The following DACH1 variants were observed in gnomAD, a reference collection of about 807,000 sequenced individuals.
The protein encoded by DACH1 is dachshund family transcription factor 1.
DACH1 carries 12 observed loss-of-function variants against 54.2 expected under a neutral mutation model. That is an observed-to-expected ratio of 0.22 (90% CI 0.14 to 0.36). The LOEUF (loss-of-function observed/expected upper bound fraction) is 0.36. Ranked by LOEUF, DACH1 falls within the 10% of genes least tolerant of loss-of-function variation. The pLI is 1.00. For synonymous variants in DACH1, 386 were observed against 366.2 expected (o/e 1.05, Z -0.62); for missense variants, 805 against 929.8 (o/e 0.87, Z 1.75).
chr13:71,534,992 G>A (rs980812381), intron 6 of DACH1, among the ~76,000 whole-genome samples: 3 of 151,902 alleles, frequency 2.0e-5, no homozygotes, highest in South Asian at 4.1e-4. Flanking sequence ...CTAAAAGCAC[G>A]TGGAAAAAGA....
chr13:71,809,569 A>G (rs1210460019), intron 1 of DACH1, among the ~76,000 whole-genome samples: 1 of 152,178 alleles, frequency 6.6e-6, no homozygotes, highest in African/African-American at 2.4e-5. Flanking sequence ...ACTCTACCCA[A>G]CATATAAGGA....
intron 1 of DACH1, among the ~76,000 whole-genome samples, chr13:71,778,621 TA>T (rs1886176077): frequency 2.0e-5 from 3 of 152,084 alleles, no homozygotes; most frequent in East Asian, 1.9e-4. Context: ...AAAATTCTTA[TA>T]ATGAAAGTAA....
At chr13:71,697,721 A>C (rs994633161) in intron 1 of DACH1, among the ~76,000 whole-genome samples, 5 of 152,186 alleles carry the variant, frequency 3.3e-5, no homozygotes, top group Non-Finnish European at 7.4e-5. Flanking sequence ...ACCACCTTTA[A>C]ACTATAATAG....
chr13:71,650,728 G>A (rs764013975), intron 2 of DACH1, among the ~76,000 whole-genome samples: 23 of 151,878 alleles, frequency 1.5e-4, no homozygotes, highest in Non-Finnish European at 3.1e-4. Context: ...CAAGGCATTC[G>A]GATAAAAGTT....
intron 3 of DACH1, among the ~76,000 whole-genome samples, chr13:71,629,293 C>A (rs577663676): frequency 2.5e-4 from 38 of 152,040 alleles, no homozygotes; most frequent in Admixed American, 2.6e-4. Flanking sequence ...AGTTGTAGGG[C>A]CATCTCTTTT....
intron 10 of DACH1, among the ~76,000 whole-genome samples, chr13:71,466,522 C>G (rs1876581482): frequency 6.6e-6 from 1 of 152,030 alleles, no homozygotes; most frequent in Admixed American, 6.6e-5. Flanking sequence ...TAGTGCCAAC[C>G]CCCTATTACA....
intron 6 of DACH1, among the ~76,000 whole-genome samples, chr13:71,521,568 T>C (rs9564831): frequency 0.94 from 142,175 of 152,048 alleles, 67,216 homozygotes; most frequent in East Asian, 1. Context: ...AAAGGCAAGG[T>C]AACTGTTATT....
chr13:71,670,536 C>T (rs976621583), intron 2 of DACH1, among the ~76,000 whole-genome samples: 11 of 152,172 alleles, frequency 7.2e-5, no homozygotes, highest in East Asian at 1.9e-4. Flanking sequence ...AAAAAGTAAA[C>T]ATTTCATAAC....
chr13:71,819,452 T>C (rs1888102004), intron 1 of DACH1, among the ~76,000 whole-genome samples: 1 of 152,214 alleles, frequency 6.6e-6, no homozygotes, highest in Non-Finnish European at 1.5e-5. Flanking sequence ...AGAGTGTCAT[T>C]GGAGCCTCTC....
intron 6 of DACH1, among the ~76,000 whole-genome samples, chr13:71,537,627 T>A (rs1204753506): frequency 1.3e-5 from 2 of 152,086 alleles, no homozygotes; most frequent in Non-Finnish European, 2.9e-5. Flanking sequence ...ATAGAGAGAA[T>A]AAATAAAGTC....
At chr13:71,470,440 G>C (rs867200247) in intron 10 of DACH1, among the ~76,000 whole-genome samples, 3 of 151,666 alleles carry the variant, frequency 2.0e-5, no homozygotes, top group South Asian at 2.1e-4. Context: ...TGATTCTCCT[G>C]CCTCAGCCTC....
chr13:71,464,181 C>G (rs572574938), intron 10 of DACH1, among the ~76,000 whole-genome samples: 1 of 151,688 alleles, frequency 6.6e-6, no homozygotes, highest in South Asian at 2.1e-4. Flanking sequence ...AATACCCATA[C>G]CCTCTAATTG....
intron 1 of DACH1, among the ~76,000 whole-genome samples, chr13:71,838,553 C>T (rs890127517): frequency 3.3e-5 from 5 of 152,126 alleles, no homozygotes; most frequent in Admixed American, 1.3e-4. Flanking sequence ...TGGTATCAAT[C>T]CCTTGAAACA....
intron 1 of DACH1, among the ~76,000 whole-genome samples, chr13:71,684,756 T>A (rs1180779141): frequency 6.6e-6 from 1 of 152,172 alleles, no homozygotes; most frequent in African/African-American, 2.4e-5. Flanking sequence ...GCTCAGTGTC[T>A]GGTTCACTCT....
At chr13:71,563,159 A>G (rs1884694427) in intron 4 of DACH1, among the ~76,000 whole-genome samples, 1 of 152,042 alleles carries the variant, frequency 6.6e-6, no homozygotes, top group Non-Finnish European at 1.5e-5. Context: ...TATTTAAGAA[A>G]ATGCATTGAT....
chr13:71,675,695 G>C (rs531814097), intron 2 of DACH1, among the ~76,000 whole-genome samples: 20 of 152,028 alleles, frequency 1.3e-4, no homozygotes, highest in Non-Finnish European at 2.8e-4. Context: ...ATGTGGAGAC[G>C]TAAAGCATTA....
intron 10 of DACH1, among the ~76,000 whole-genome samples, chr13:71,456,486 T>C (rs1313022001): frequency 6.6e-6 from 1 of 152,042 alleles, no homozygotes; most frequent in African/African-American, 2.4e-5. Flanking sequence ...TAAGGTTAGA[T>C]TTCGAGAAGC....
At chr13:71,644,609 C>T (rs1235262524) in intron 2 of DACH1, among the ~76,000 whole-genome samples, 1 of 152,208 alleles carries the variant, frequency 6.6e-6, no homozygotes, top group African/African-American at 2.4e-5. Flanking sequence ...TGGCTCTGTA[C>T]TAACGGGGCC....
intron 1 of DACH1, among the ~76,000 whole-genome samples, chr13:71,706,646 A>G (rs1338788085): frequency 6.6e-6 from 1 of 152,156 alleles, no homozygotes; most frequent in Non-Finnish European, 1.5e-5. Flanking sequence ...ATTCTTTCAG[A>G]ATAATTCTCT....
Sources: gnomAD v4.1 joint callset for allele counts (sites outside exome capture counted in the v4.1 genomes callset) on GRCh38, gnomAD v4.1.1 for gene constraint, MANE v1.5 for transcripts, NCBI Gene and HGNC (gene_info 2026-07-23, HGNC 2026-07-21) for gene names.